ABR: variants seen among roughly 807,000 people sequenced by gnomAD.
The protein encoded by ABR is active breakpoint cluster region-related protein.
In ABR, 35 loss-of-function variants were observed where a neutral mutation model predicts 107.2. The ratio of observed to expected loss-of-function variants is 0.33; its 90% CI spans 0.25 to 0.43. ABR has a LOEUF of 0.43. Among genes scored for constraint, ABR ranks in the 20% least tolerant of loss-of-function variants. The pLI, the probability that ABR is intolerant of heterozygous loss-of-function variation, is 1.00. For missense variants in ABR, 815 were observed against 1,115.2 expected, an observed-to-expected ratio of 0.73 and a Z score of 3.83; for synonymous variants, 498 against 462.0, an observed-to-expected ratio of 1.08 and a Z score of -1.00.
At chr17:1,080,516 C>G (rs1051799873) in intron 5 of ABR, among the ~76,000 whole-genome samples, 1 of 152,094 alleles carries the variant, frequency 6.6e-6, no homozygotes, top group Admixed American at 6.6e-5. Flanking sequence ...GGAGGGAAGG[C>G]AGGAGGCAAG....
At chr17:1,192,020 G>A (rs967291706), upstream of ABR, among the ~76,000 whole-genome samples, 5 of 152,134 alleles carry the variant, frequency 3.3e-5, no homozygotes, top group Non-Finnish European at 7.4e-5. Flanking sequence ...TTCTCACCTC[G>A]ACACGAAGAG....
At chr17:1,077,710 C>A (rs952681300) in intron 6 of ABR, among the ~76,000 whole-genome samples, 1 of 152,138 alleles carries the variant, frequency 6.6e-6, no homozygotes, top group African/African-American at 2.4e-5. Flanking sequence ...CAGCCTTCGA[C>A]AAGGAGCTCC....
chr17:1,149,296 C>A (rs949668752), intron 1 of ABR, among the ~76,000 whole-genome samples: 5 of 152,252 alleles, frequency 3.3e-5, no homozygotes, highest in Middle Eastern at 3.4e-3. Flanking sequence ...GAGACCCCCC[C>A]ATGGGTATCG....
chr17:1,023,123 C>A (rs12946654), intron 16 of ABR, among the ~76,000 whole-genome samples: 18,407 of 90,424 alleles, frequency 0.2, 1,780 homozygotes, highest in African/African-American at 0.31. Context: ...TCCACTACAG[C>A]GCCTCTGCCG....
intron 5 of ABR, 135 bp downstream of exon 5, chr17:1,083,385 G>A (rs1841115625): frequency 4.4e-6 from 2 of 454,814 alleles, no homozygotes; most frequent in Non-Finnish European, 8.0e-6. Context: ...GTGCAAGAAA[G>A]CAAATATCAG....
chr17:1,106,942 C>A (rs905160813), intron 2 of ABR, among the ~76,000 whole-genome samples: 15 of 152,350 alleles, frequency 9.8e-5, no homozygotes, highest in Non-Finnish European at 1.9e-4. Flanking sequence ...CAGTGCCAGG[C>A]AGGGTGCTCT....
chr17:1,135,198 G>C (rs367828026), intron 1 of ABR, among the ~76,000 whole-genome samples: 5 of 152,106 alleles, frequency 3.3e-5, no homozygotes, highest in South Asian at 2.1e-4. Flanking sequence ...AGCAGAGGGG[G>C]AGAGGGCCGT....
intron 16 of ABR, among the ~76,000 whole-genome samples, chr17:1,036,023 G>A (rs1484251468): frequency 6.6e-6 from 1 of 152,050 alleles, no homozygotes; most frequent in Non-Finnish European, 1.5e-5. Context: ...GGTGGGGACG[G>A]CTTCCAGGCA....
intron 1 of ABR, among the ~76,000 whole-genome samples, chr17:1,204,368 C>G (rs888230670): frequency 2.0e-5 from 3 of 152,160 alleles, no homozygotes; most frequent in Non-Finnish European, 2.9e-5. Context: ...TCGCTTGAAC[C>G]CGGGAGGCAG....
intron 16 of ABR, among the ~76,000 whole-genome samples, chr17:1,017,866 G>A (rs112631653): frequency 0.019 from 2,922 of 152,006 alleles, 120 homozygotes; most frequent in African/African-American, 0.067. Flanking sequence ...GCCTCCCAAA[G>A]TGCTGGGATG....
intron 7 of ABR, among the ~76,000 whole-genome samples, chr17:1,073,226 G>A (rs2035398668): frequency 2.7e-5 from 4 of 150,316 alleles, no homozygotes. Flanking sequence ...CAGCAGGGGA[G>A]AGGGCCCTGG....
intron 1 of ABR, among the ~76,000 whole-genome samples, chr17:1,171,065 A>G (rs138488770): frequency 6.6e-6 from 1 of 152,188 alleles, no homozygotes; most frequent in Non-Finnish European, 1.5e-5. Flanking sequence ...TTTCTCCTAA[A>G]ACTTTGCCTC....
At position 1,205,845 on chromosome 17, in the gene ABR, C is replaced by T. The variant is rs112050074; in HGVS notation, c.838+22948G>A. ...GTAGTCCCAGCTACTCAGAAGGCTG[C>T]GGCAGGAGAATCACTTGAACCAGGA... On this transcript the variant is annotated intron_variant, in intron 1 of 22. Coordinates refer to the ABR transcript ENST00000574139. Among the ~76,000 whole-genome samples the T allele has an allele frequency of 3.3e-5, 5 of 151,868 alleles. 1 individual carries two copies. In the South Asian group the frequency reaches 8.3e-4, roughly 25 times the overall value.
At chr17:1,058,671 G>A in intron 11 of ABR, 74 bp downstream of exon 11, 1 of 1,568,278 alleles carries the variant, frequency 6.4e-7, no homozygotes, top group Non-Finnish European at 8.7e-7. Flanking sequence ...TACAGGTCAG[G>A]GCCAGGAGCC....
chr17:1,061,442 T>C (rs368620728), intron 10 of ABR, among the ~76,000 whole-genome samples: 10 of 152,336 alleles, frequency 6.6e-5, no homozygotes, highest in African/African-American at 2.4e-4. Flanking sequence ...GGGGCTGTAA[T>C]GGTGATCTTG....
At chr17:1,165,157 C>T (rs887431550) in intron 1 of ABR, among the ~76,000 whole-genome samples, 2 of 152,246 alleles carry the variant, frequency 1.3e-5, no homozygotes, top group Admixed American at 6.5e-5. Flanking sequence ...AGCTCCCGGC[C>T]TGCAGAGGTG....
At position 1,057,991 on chromosome 17, in the gene ABR, T is replaced by C. The variant is rs367877272; in HGVS notation, c.1360A>G (p.Ile454Val). 2.5e-5 allele frequency: 41 copies of C among 1,613,910 alleles called. No individual in the cohort carries two copies. The African/African-American group carries it at 4.9e-4, about 19-fold the overall frequency. ...DYERSEWREA[I>V]QKLQKKDLQA... is the part of the protein sequence containing the mutation. ...TTACCCTTCTTCTGTAGTTTCTGAA[T>C]TGCTTCTCTCCACTCTGACCTCTCG... Residue 454 changes from isoleucine (I) to valine (V), a missense_variant, in exon 12 of 23, where the codon ATT becomes GTT. Around this residue, in one of 5 missense-constraint regions of ABR, gnomAD observed 385 missense variants for 596.9 expected, o/e 0.64. Coordinates refer to ENST00000302538, the MANE Select transcript of ABR (RefSeq NM_021962.5).
At chr17:1,225,678 C>T (rs2150769729) in intron 1 of ABR, among the ~76,000 whole-genome samples, 1 of 152,170 alleles carries the variant, frequency 6.6e-6, no homozygotes, top group South Asian at 2.1e-4. Flanking sequence ...AAAGAAGAAG[C>T]AACTCAAAGA....
At position 1,062,415 on chromosome 17, in the gene ABR, G is replaced by A. The variant is rs60078010; in HGVS notation, c.1183-3548C>T. ...ATGTTCCTCTAGACACTGTTGTTAC[G>A]TGAACTGAGGGCTATGCATGTTCCT... On this transcript the variant is annotated intron_variant, in intron 10 of 22. Transcript: ENST00000302538. Among the ~76,000 whole-genome samples the A allele has an allele frequency of 8.5e-5, 12 of 141,388 alleles. 1 individual carries two copies. In the East Asian group the frequency reaches 2.1e-3, roughly 25 times the overall value. The allele number at this position is 141,388 out of a possible 152,430, so 92.8% of individuals were successfully genotyped here. A position where few individuals can be genotyped will look rare whatever the true frequency, so the allele number is the denominator to read the frequency against.
Sources: allele counts gnomAD v4.1 joint callset (sites outside exome capture counted in the v4.1 genomes callset), GRCh38; gene constraint gnomAD v4.1.1; regional missense constraint gnomAD v4.1.1; transcripts MANE v1.5; gene names NCBI Gene and HGNC (gene_info 2026-07-23, HGNC 2026-07-21).